Variants in FRMD5 observed in about 807,000 individuals in gnomAD.
The protein encoded by FRMD5 is FERM domain containing 5.
FRMD5 carries 20 observed loss-of-function variants against 69.0 expected under a neutral mutation model. The observed-to-expected ratio is 0.29, with a 90% CI of 0.20 to 0.42. FRMD5 has a LOEUF of 0.42. FRMD5 is among the 10% of genes least tolerant of loss of function. The pLI, the probability that FRMD5 is intolerant of heterozygous loss-of-function variation, is 1.00. For missense variants in FRMD5, 595 were observed against 708.6 expected (o/e 0.84, Z 1.82); for synonymous variants, 271 against 260.1 (o/e 1.04, Z -0.40).
intron 1 of FRMD5, among the ~76,000 whole-genome samples, chr15:44,151,241 C>T (rs749906029): frequency 4.7e-5 from 7 of 150,504 alleles, no homozygotes; most frequent in Non-Finnish European, 7.4e-5. Flanking sequence ...ACTAAAAATA[C>T]AAAATATTAG....
At chr15:43,918,172 TC>T (rs2089427735) in intron 4 of FRMD5, among the ~76,000 whole-genome samples, 2 of 152,170 alleles carry the variant, frequency 1.3e-5, no homozygotes, top group Non-Finnish European at 2.9e-5. Context: ...ATGCCTGTAA[TC>T]CCAGCACTTT....
chr15:44,153,272 C>T (rs781034892), intron 1 of FRMD5, among the ~76,000 whole-genome samples: 5 of 152,156 alleles, frequency 3.3e-5, no homozygotes, highest in Non-Finnish European at 5.9e-5. Context: ...TATCCATGTT[C>T]ACAGCAGCAT....
chr15:43,964,552 G>A (rs2090262234), intron 1 of FRMD5, among the ~76,000 whole-genome samples: 1 of 151,214 alleles, frequency 6.6e-6, no homozygotes, highest in Non-Finnish European at 1.5e-5. Flanking sequence ...CATAATGACA[G>A]AATCCTGATG....
chr15:44,139,645 C>T (rs2077237304), intron 1 of FRMD5, among the ~76,000 whole-genome samples: 1 of 135,942 alleles, frequency 7.4e-6, no homozygotes, highest in Non-Finnish European at 1.5e-5. Context: ...AATTCCAGCA[C>T]TTTGGGAGGC....
rs193296510 is a variant in FRMD5 at position 44,172,259 on chromosome 15, T to G, written c.102+22694A>C. Among the ~76,000 whole-genome samples, 864 of 150,748 alleles carry G rather than the reference T, an allele frequency of 5.7e-3. 8 individuals carry two copies. Among genetic ancestry groups the G allele is most frequent in the East Asian group, 0.032 (164 of 5,148 alleles). On this transcript the variant is annotated intron_variant, in intron 1 of 13. Transcript: ENST00000417257. ...GTGTGCACCACCATATTTGGCTTTC[T>G]TTTTCTCTTTTTCTTTTTTTTTTTT...
chr15:43,927,233 G>C (rs1413621753), intron 1 of FRMD5, among the ~76,000 whole-genome samples: 1 of 152,188 alleles, frequency 6.6e-6, no homozygotes, highest in Non-Finnish European at 1.5e-5. Context: ...GGTGTCAAGA[G>C]CCTGGACACC....
At chr15:44,035,574 A>G (rs1434730955) in intron 1 of FRMD5, among the ~76,000 whole-genome samples, 1 of 152,178 alleles carries the variant, frequency 6.6e-6, no homozygotes, top group African/African-American at 2.4e-5. Flanking sequence ...CCCAAAGAGT[A>G]TTTGATTTTT....
At chr15:43,875,906 G>A in intron 13 of FRMD5, 1 of 879,160 alleles carries the variant, frequency 1.1e-6, no homozygotes. Context: ...TAACTGCTGG[G>A]TCTGTAAACA....
chr15:44,025,598 T>C (rs898498061), intron 1 of FRMD5, among the ~76,000 whole-genome samples: 1 of 152,236 alleles, frequency 6.6e-6, no homozygotes, highest in Admixed American at 6.5e-5. Flanking sequence ...TGGTAACTCA[T>C]AATTTAATTA....
chr15:44,148,327 A>G (rs1362034756), intron 1 of FRMD5, among the ~76,000 whole-genome samples: 1 of 151,206 alleles, frequency 6.6e-6, no homozygotes, highest in Non-Finnish European at 1.5e-5. Flanking sequence ...GTTGGAGTGC[A>G]GGGGCGCAAT....
intron 1 of FRMD5, among the ~76,000 whole-genome samples, chr15:44,089,534 C>A (rs558524305): frequency 6.6e-6 from 1 of 152,104 alleles, no homozygotes; most frequent in Non-Finnish European, 1.5e-5. Context: ...AAAACCCTGT[C>A]TCTACAAAAA....
chr15:44,131,607 C>T (rs964877627), intron 1 of FRMD5, among the ~76,000 whole-genome samples: 3 of 152,122 alleles, frequency 2.0e-5, no homozygotes, highest in Admixed American at 6.5e-5. Flanking sequence ...ATTATTCAGC[C>T]TTTAAAAGGA....
At chr15:44,001,337 T>G (rs1013282418) in intron 1 of FRMD5, among the ~76,000 whole-genome samples, 3 of 152,224 alleles carry the variant, frequency 2.0e-5, no homozygotes, top group Non-Finnish European at 4.4e-5. Context: ...ACTATAAATA[T>G]TTTCTCCCAT....
intron 1 of FRMD5, among the ~76,000 whole-genome samples, chr15:44,012,397 G>T (rs1890757736): frequency 1.3e-5 from 2 of 152,152 alleles, no homozygotes; most frequent in African/African-American, 4.8e-5. Context: ...TTAGTAAGAA[G>T]CTTTCTTAGA....
At chr15:44,029,145 G>A (rs1343824067) in intron 1 of FRMD5, among the ~76,000 whole-genome samples, 1 of 152,126 alleles carries the variant, frequency 6.6e-6, no homozygotes. Context: ...TACCAGGCAG[G>A]CTGAATTGAA....
At chr15:44,135,335 G>GC (rs1310559486) in intron 1 of FRMD5, among the ~76,000 whole-genome samples, 1 of 152,118 alleles carries the variant, frequency 6.6e-6, no homozygotes, top group Non-Finnish European at 1.5e-5. Flanking sequence ...AACAAAACAA[G>GC]CCCCACTGGC....
At chr15:43,971,683 A>G (rs560903853) in intron 1 of FRMD5, among the ~76,000 whole-genome samples, 10 of 151,448 alleles carry the variant, frequency 6.6e-5, no homozygotes, top group Non-Finnish European at 1.2e-4. Flanking sequence ...CATTATATGC[A>G]TAATTTTATA....
intron 1 of FRMD5, among the ~76,000 whole-genome samples, chr15:43,985,192 A>G (rs1338663670): frequency 6.7e-6 from 1 of 150,272 alleles, no homozygotes; most frequent in Non-Finnish European, 1.5e-5. Context: ...GAGGCAGAAG[A>G]ATGGCGTGAA....
chr15:44,163,051 A>G (rs1053524868), intron 1 of FRMD5, among the ~76,000 whole-genome samples: 31 of 151,750 alleles, frequency 2.0e-4, no homozygotes, highest in South Asian at 6.2e-4. Context: ...GCGGGCGCCT[A>G]TAGTCCCAGC....
Sources: gnomAD v4.1 joint callset for allele counts (sites outside exome capture counted in the v4.1 genomes callset) on GRCh38, gnomAD v4.1.1 for gene constraint, MANE v1.5 for transcripts, NCBI Gene and HGNC (gene_info 2026-07-23, HGNC 2026-07-21) for gene names.